The following PDS5B variants were observed in gnomAD, a reference collection of about 807,000 sequenced individuals.
PDS5B encodes sister chromatid cohesion protein PDS5 homolog B.
PDS5B carries 51 observed loss-of-function variants against 184.1 expected under a neutral mutation model. The observed-to-expected ratio is 0.28, with a 90% CI of 0.22 to 0.35. The LOEUF is 0.35. Ranked by LOEUF, PDS5B falls within the 10% of genes least tolerant of loss-of-function variation. PDS5B has a pLI of 1.00. For synonymous variants in PDS5B, 566 were observed against 569.2 expected (o/e 0.99, Z 0.08); for missense variants, 1,180 against 1,723.3 (o/e 0.68, Z 5.58).
rs774038616 is a variant in PDS5B, at chr13:32,770,642, TC to T, written c.4065-8del. The stretch of plus-strand genomic sequence containing the variant: ...TTTGATGCTATCCACATTTGGGTCT[TC>T]CCCAAAGCAGAGCAGAATCTCCTGA... On this transcript the variant is annotated splice_polypyrimidine_tract_variant and intron_variant, in intron 32 of 34. Transcript: ENST00000315596. 6.9e-6 allele frequency: 11 copies of T among 1,604,016 alleles called. No homozygotes were observed. The African/African-American group carries it at 1.2e-4, about 18-fold the overall frequency.
chr13:32,609,469 C>A (rs544987190), intron 1 of PDS5B, among the ~76,000 whole-genome samples: 81 of 152,096 alleles, frequency 5.3e-4, no homozygotes, highest in Non-Finnish European at 9.3e-4. Context: ...TTCCCTCTGT[C>A]TTTGGCTAAC....
chr13:32,735,309 A>G lies in PDS5B; in HGVS notation c.2385A>G (p.Lys795=), dbSNP rs988299155. Reference sequence around the variant, plus strand: ...CTTTGGTAGCTACTTTCATTGTGAAAGATCTTCTCATGAATGATCGGGTAA... The same window carrying G: ...CTTTGGTAGCTACTTTCATTGTGAAGGATCTTCTCATGAATGATCGGGTAA... ...LKSLVATFIV[K]DLLMNDRLPG... is the part of the protein sequence containing the mutation. The change falls in exon 21 of 35, where the codon AAA becomes AAG. Residue 795 remains lysine, a synonymous_variant. Transcript: ENST00000315596. 4 of 1,611,236 alleles carry G rather than the reference A, an allele frequency of 2.5e-6. No individual in the cohort carries two copies. Among genetic ancestry groups the G allele is most frequent in the African/African-American group, 2.7e-5 (2 of 74,810 alleles).
intron 21 of PDS5B, among the ~76,000 whole-genome samples, 178 bp downstream of exon 21, chr13:32,735,508 T>C (rs1953300574): frequency 6.6e-6 from 1 of 152,202 alleles, no homozygotes; most frequent in African/African-American, 2.4e-5. Flanking sequence ...TCTTGAAACA[T>C]CTTTTTAGTT....
chr13:32,716,103 G>A (rs1249823811), intron 19 of PDS5B, among the ~76,000 whole-genome samples: 39 of 151,902 alleles, frequency 2.6e-4, no homozygotes, highest in Non-Finnish European at 3.8e-4. Flanking sequence ...AGTGAGGAGC[G>A]TCTCTGCCTG....
At chr13:32,652,091 T>G in intron 3 of PDS5B, 84 bp downstream of exon 3, 3 of 930,830 alleles carry the variant, frequency 3.2e-6, no homozygotes, top group Non-Finnish European at 3.5e-6. Flanking sequence ...GGTATTTAGA[T>G]GATTTCCTTG....
chr13:32,679,646 A>AT lies in PDS5B; in HGVS notation c.1057+717_1057+718insT, dbSNP rs1306936838. On this transcript the variant is annotated intron_variant, in intron 10 of 34. Coordinates refer to ENST00000315596, the MANE Select transcript of PDS5B (RefSeq NM_015032.4). The stretch of plus-strand genomic sequence containing the variant: ...AGCGAAACTCTTTATCTCAAAAAAA[A>AT]AAAAAAAATAAATAAATAAATGAAT... Among the ~76,000 whole-genome samples, 97 of 149,654 alleles carry AT rather than the reference A, an allele frequency of 6.5e-4. No individual in the cohort carries two copies. In the South Asian group the frequency reaches 0.015, roughly 23 times the overall value.
intron 23 of PDS5B, among the ~76,000 whole-genome samples, 171 bp downstream of exon 23, chr13:32,742,898 C>T (rs563472050): frequency 1.7e-4 from 26 of 150,034 alleles, no homozygotes; most frequent in African/African-American, 5.4e-4. Context: ...TTTACAGTGG[C>T]GGTCACATGT....
At chr13:32,743,791 A>G (rs1415373969) in intron 23 of PDS5B, among the ~76,000 whole-genome samples, 1 of 152,058 alleles carries the variant, frequency 6.6e-6, no homozygotes, top group Non-Finnish European at 1.5e-5. Context: ...TTTTATTCTA[A>G]TTAATCTATT....
chr13:32,607,643 G>C (rs923672500), intron 1 of PDS5B, among the ~76,000 whole-genome samples: 1 of 152,178 alleles, frequency 6.6e-6, no homozygotes, highest in African/African-American at 2.4e-5. Flanking sequence ...GTTCAGCTAT[G>C]CCCTGCCCCC....
intron 3 of PDS5B, among the ~76,000 whole-genome samples, chr13:32,656,768 C>T (rs912109679): frequency 9.9e-5 from 15 of 151,808 alleles, no homozygotes; most frequent in Middle Eastern, 3.4e-3. Context: ...GGCTAATTTT[C>T]GTATTTTTAG....
rs200838911 is a variant in PDS5B, at chr13:32,759,696, T to C, written c.3372+6T>C. The C allele has an allele frequency of 6.9e-5, 103 of 1,496,202 alleles. No homozygotes were observed. The highest frequency in any genetic ancestry group is 8.3e-5 in the Non-Finnish European group (90 of 1,085,688). The allele number at this position is 1,496,202 out of a possible 1,614,324, so 92.7% of individuals were successfully genotyped here. On this transcript the variant is annotated splice_donor_region_variant and intron_variant, in intron 29 of 34. Transcript: ENST00000315596. Reference sequence around the variant, plus strand: ...CATTTTTCACTCCTGGAAAAGTATGTTTTGAGAATCATTTTAATTTTTATG... The same window carrying C: ...CATTTTTCACTCCTGGAAAAGTATGCTTTGAGAATCATTTTAATTTTTATG...
intron 30 of PDS5B, chr13:32,763,521 G>A (rs773945384): frequency 1.3e-5 from 2 of 152,110 alleles, no homozygotes; most frequent in Non-Finnish European, 2.9e-5. Flanking sequence ...TGAGCAATCA[G>A]TTGAGAATAA....
chr13:32,636,495 A>C lies in PDS5B; in HGVS notation c.-19-12259A>C, dbSNP rs9568085. ...ATTAGAGGATTCAGCAGTGCACCAG[A>C]GATGGAAAACCATTAGGTTAAGGGC... On this transcript the variant is annotated intron_variant, in intron 1 of 34. Coordinates refer to ENST00000315596, the MANE Select transcript of PDS5B (RefSeq NM_015032.4). Among the ~76,000 whole-genome samples the C allele has an allele frequency of 7.5e-3, 1,140 of 152,332 alleles. 66 individuals are homozygous for C. The East Asian group carries it at 0.15, about 19-fold the overall frequency.
At chr13:32,681,648 A>AT (rs56328259) in intron 10 of PDS5B, among the ~76,000 whole-genome samples, 3,162 of 147,780 alleles carry the variant, frequency 0.021, 115 homozygotes, top group African/African-American at 0.074. Context: ...TGAGGCTTTG[A>AT]TTTTTTTTTT....
Position 32,683,900 on chromosome 13 carries a change from T to C in PDS5B, c.1080T>C (p.His360=), listed in dbSNP as rs1370947181. The C allele has an allele frequency of 6.3e-7, 1 of 1,599,068 alleles. No individual in the cohort carries two copies. The highest frequency in any genetic ancestry group is 8.6e-7 in the Non-Finnish European group (1 of 1,168,960). The change falls in exon 11 of 35, where the codon CAT becomes CAC. Residue 360 remains histidine, a synonymous_variant. Transcript: ENST00000315596. The part of the protein sequence containing the change: ...DLTEYLKVRS[H]DPEEAIRHDV... ...CAGAGTATCTTAAAGTGAGGTCACA[T>C]GACCCTGAGGAAGCTATTAGACATG...
intron 30 of PDS5B, chr13:32,763,499 TCTAA>T (rs964365695): frequency 1.3e-5 from 2 of 152,150 alleles, no homozygotes; most frequent in Non-Finnish European, 2.9e-5. Flanking sequence ...GAGTTTGATG[TCTAA>T]CTAACCATGA....
intron 19 of PDS5B, among the ~76,000 whole-genome samples, chr13:32,723,101 T>C (rs545878051): frequency 6.7e-6 from 1 of 149,356 alleles, no homozygotes; most frequent in South Asian, 2.1e-4. Flanking sequence ...GAGATTAGTT[T>C]TGGTATAGCC....
intron 3 of PDS5B, among the ~76,000 whole-genome samples, chr13:32,653,362 AGT>A (rs1304560452): frequency 6.6e-6 from 1 of 152,224 alleles, no homozygotes; most frequent in Non-Finnish European, 1.5e-5. Flanking sequence ...ATTAATCCAC[AGT>A]GTGAAAAAAT....
rs1954352724 is a variant in PDS5B at position 32,760,557 on chromosome 13, G to A, written c.3373-18G>A. 6.2e-7 allele frequency: 1 copy of A among 1,611,244 alleles called. No individual in the cohort carries two copies. The highest frequency in any genetic ancestry group is 1.3e-5 in the African/African-American group (1 of 74,888). On this transcript the variant is annotated intron_variant, in intron 29 of 34. Transcript: ENST00000315596. ...TGGCTTTAACCAAATAAAAAGAGAT[G>A]TGCATTTCTCATTTCAGCCTAAAAC...
Sources: allele counts gnomAD v4.1 joint callset (sites outside exome capture counted in the v4.1 genomes callset), GRCh38; gene constraint gnomAD v4.1.1; transcripts MANE v1.5; gene names NCBI Gene and HGNC (gene_info 2026-07-23, HGNC 2026-07-21).